Variants in CDH18 observed in about 807,000 individuals in gnomAD.
The protein encoded by CDH18 is cadherin-18.
Under a neutral mutation model 67.9 loss-of-function variants are expected in CDH18, and 31 were observed. That is an observed-to-expected ratio of 0.46 (90% CI 0.34 to 0.62). The LOEUF (loss-of-function observed/expected upper bound fraction) is 0.62. Among genes scored for constraint, CDH18 ranks in the 20% least tolerant of loss-of-function variants. The probability of loss-of-function intolerance (pLI) is 0.01; values close to 1 mark genes in which losing one functional copy is unlikely to be tolerated. For missense variants in CDH18, 890 were observed against 975.5 expected (o/e 0.91, Z 1.17); for synonymous variants, 362 against 347.2 (o/e 1.04, Z -0.48).
intron 1 of CDH18, among the ~76,000 whole-genome samples, chr5:20,483,103 T>C (rs1241453061): frequency 6.6e-6 from 1 of 152,048 alleles, no homozygotes; most frequent in Non-Finnish European, 1.5e-5. Flanking sequence ...CAAAAACCAA[T>C]AGTGTTTCTA....
At chr5:19,694,889 A>G (rs1193285459) in intron 5 of CDH18, among the ~76,000 whole-genome samples, 1 of 141,596 alleles carries the variant, frequency 7.1e-6, no homozygotes, top group East Asian at 2.1e-4. Flanking sequence ...AAAAAAAAAG[A>G]TAAGGTTAGA....
intron 2 of CDH18, among the ~76,000 whole-genome samples, chr5:20,239,810 T>C (rs7726860): frequency 0.7 from 106,504 of 151,912 alleles, 38,007 homozygotes; most frequent in African/African-American, 0.85. Context: ...TGTTGCTTGC[T>C]TTTTGTTTAA....
chr5:19,892,701 C>T (rs754023306), intron 2 of CDH18, among the ~76,000 whole-genome samples: 12 of 152,122 alleles, frequency 7.9e-5, no homozygotes, highest in Middle Eastern at 3.4e-3. Context: ...TCAGATCACA[C>T]GGACATTCAA....
At position 19,591,057 on chromosome 5, in the gene CDH18, C is replaced by T. The variant is rs1745044713; in HGVS notation, c.999G>A (p.Lys333=). The T allele has an allele frequency of 1.3e-6, 2 of 1,555,640 alleles. No individual in the cohort carries two copies. Among genetic ancestry groups the T allele is most frequent in the Non-Finnish European group, 1.7e-6 (2 of 1,149,082 alleles). Residue 333 remains lysine, a splice_region_variant and synonymous_variant, in exon 7 of 13, where the codon AAG becomes AAA. Coordinates refer to ENST00000382275, the MANE Select transcript of CDH18 (RefSeq NM_004934.5). ...ATCACAAAAAGTATGTTCTTTTTAC[C>T]TTCTTTAAAGAAAGGATTCCTTCTC... ...ETREGILSLK[K]PLNYEKKKSY...
At chr5:20,350,598 C>G (rs1741085522) in intron 1 of CDH18, among the ~76,000 whole-genome samples, 1 of 152,062 alleles carries the variant, frequency 6.6e-6, no homozygotes, top group African/African-American at 2.4e-5. Context: ...ACTTTCATAT[C>G]ATGGGAATTT....
chr5:20,014,349 G>C (rs1157686941), intron 2 of CDH18, among the ~76,000 whole-genome samples: 2 of 152,164 alleles, frequency 1.3e-5, no homozygotes, highest in East Asian at 3.9e-4. Context: ...TTACTGTGAT[G>C]GGATAAAGTC....
chr5:20,423,655 T>G (rs2150162644), intron 1 of CDH18, among the ~76,000 whole-genome samples: 1 of 150,660 alleles, frequency 6.6e-6, no homozygotes, highest in Non-Finnish European at 1.5e-5. Context: ...AATCAAAAAT[T>G]TTCCTAGAGG....
intron 2 of CDH18, among the ~76,000 whole-genome samples, chr5:20,040,056 T>C (rs535966400): frequency 6.6e-6 from 1 of 152,144 alleles, no homozygotes; most frequent in African/African-American, 2.4e-5. Context: ...AACAGACACT[T>C]TTCAAAACAA....
intron 1 of CDH18, among the ~76,000 whole-genome samples, chr5:20,514,287 C>A (rs1337022651): frequency 6.6e-6 from 1 of 152,112 alleles, no homozygotes; most frequent in Non-Finnish European, 1.5e-5. Flanking sequence ...AGGCACACTG[C>A]AGCTCCTGGA....
chr5:20,189,058 G>A, intron 2 of CDH18, among the ~76,000 whole-genome samples: 1 of 151,966 alleles, frequency 6.6e-6, no homozygotes, highest in East Asian at 1.9e-4. Flanking sequence ...TCTAACTGCA[G>A]GCAAGTATTA....
chr5:20,293,202 A>G (rs1343511116), intron 1 of CDH18, among the ~76,000 whole-genome samples: 1 of 152,180 alleles, frequency 6.6e-6, no homozygotes, highest in Non-Finnish European at 1.5e-5. Context: ...CTGTAATCTC[A>G]GCTTCTTGGG....
At chr5:20,258,463 C>T (rs1223665830) in intron 1 of CDH18, among the ~76,000 whole-genome samples, 1 of 152,080 alleles carries the variant, frequency 6.6e-6, no homozygotes, top group Non-Finnish European at 1.5e-5. Flanking sequence ...GGGCAATCCT[C>T]CATGTGAAAA....
chr5:20,519,136 A>G (rs1004432278), intron 1 of CDH18, among the ~76,000 whole-genome samples: 5 of 152,216 alleles, frequency 3.3e-5, no homozygotes, highest in African/African-American at 7.2e-5. Flanking sequence ...TGTGATTTTC[A>G]CCATATTATT....
chr5:20,295,592 T>C (rs1747427708), intron 1 of CDH18, among the ~76,000 whole-genome samples: 1 of 151,772 alleles, frequency 6.6e-6, no homozygotes, highest in Non-Finnish European at 1.5e-5. Context: ...TTGGGCATGG[T>C]GGCGTGCACC....
chr5:20,221,571 A>T (rs1447300595), intron 2 of CDH18, among the ~76,000 whole-genome samples: 2 of 152,144 alleles, frequency 1.3e-5, no homozygotes, highest in Non-Finnish European at 2.9e-5. Flanking sequence ...GGGTAGCTAT[A>T]GTCAATAATA....
At position 19,747,207 on chromosome 5, in the gene CDH18, T is replaced by C; in HGVS notation, c.258A>G (p.Gly86=). The change falls in exon 4 of 13, where the codon GGA becomes GGG. Residue 86 remains glycine (G), a synonymous_variant. Transcript: ENST00000382275. ...KLHSNSDKGD[G]SVKYILTGEG... ...CTCCAGTAAGGATGTACTTGACAGA[T>C]CCATCACCTTTGTCAGAATTGGAGT... The C allele has an allele frequency of 6.2e-7, 1 of 1,613,840 alleles. No homozygotes were observed. Among genetic ancestry groups the C allele is most frequent in the Admixed American group, 1.7e-5 (1 of 60,002 alleles).
intron 11 of CDH18, among the ~76,000 whole-genome samples, chr5:19,484,058 A>G (rs189309540): frequency 1.3e-5 from 2 of 152,322 alleles, no homozygotes; most frequent in Admixed American, 1.3e-4. Context: ...ATCAAGCAAC[A>G]AACTTTTTAG....
intron 3 of CDH18, among the ~76,000 whole-genome samples, chr5:19,834,456 A>ATT (rs35754716): frequency 6.6e-6 from 1 of 150,682 alleles, no homozygotes; most frequent in African/African-American, 2.4e-5. Flanking sequence ...TATTTTGTTA[A>ATT]TTTTTTTCAA....
intron 2 of CDH18, among the ~76,000 whole-genome samples, chr5:20,100,173 T>C (rs1036600320): frequency 2.0e-5 from 3 of 152,214 alleles, no homozygotes; most frequent in Admixed American, 2.0e-4. Context: ...CCAAATAAAA[T>C]ATTATTTAGT....
Sources: allele counts gnomAD v4.1 joint callset (sites outside exome capture counted in the v4.1 genomes callset), GRCh38; gene constraint gnomAD v4.1.1; transcripts MANE v1.5; gene names NCBI Gene and HGNC (gene_info 2026-07-23, HGNC 2026-07-21).